Variants in LAMA2 observed in about 807,000 individuals in gnomAD.
LAMA2 encodes the protein laminin subunit alpha 2.
Under a neutral mutation model 364.8 loss-of-function variants are expected in LAMA2, and 269 were observed. The observed-to-expected ratio is 0.74, with a 90% confidence interval of 0.67 to 0.82. LAMA2 has a LOEUF of 0.82. LAMA2 is among the 40% of genes least tolerant of loss of function. The probability of loss-of-function intolerance (pLI) is 0.00; values close to 1 mark genes in which losing one functional copy is unlikely to be tolerated. For synonymous variants in LAMA2, 1,379 were observed against 1,370.6 expected (o/e 1.01, Z -0.14); for missense variants, 3,807 against 3,873.2 (o/e 0.98, Z 0.45).
intron 17 of LAMA2, among the ~76,000 whole-genome samples, chr6:129,277,946 A>T (rs1788442738): frequency 6.6e-6 from 1 of 152,180 alleles, no homozygotes; most frequent in African/African-American, 2.4e-5. Context: ...TCATGCCTGT[A>T]ATCCTAGCAC....
At chr6:129,513,912 A>T (rs1407401259) in intron 63 of LAMA2, among the ~76,000 whole-genome samples, 2 of 152,250 alleles carry the variant, frequency 1.3e-5, no homozygotes. Context: ...TAATTAAAAC[A>T]TCAAAAGTTT....
intron 12 of LAMA2, among the ~76,000 whole-genome samples, chr6:129,224,723 G>A (rs1278174577): frequency 6.6e-6 from 1 of 152,154 alleles, no homozygotes; most frequent in Non-Finnish European, 1.5e-5. Flanking sequence ...ATGTGCTGCT[G>A]CATTCAGTTT....
Position 129,312,735 on chromosome 6 carries a change from T to C in LAMA2, c.3175-126T>C, listed in dbSNP as rs970763524. On this transcript the variant is annotated intron_variant, in intron 22 of 64. Transcript: ENST00000421865. ...TTCCCAAGTGACTAAACTAGAATAG[T>C]ACAAAGCCTATAACAGATACATGAT... The C allele has an allele frequency of 6.7e-6, 5 of 746,960 alleles. No individual in the cohort carries two copies. The African/African-American group carries it at 6.9e-5, about 10-fold the overall frequency. The allele number at this position is 746,960 out of a possible 1,614,324, so 46.3% of individuals were successfully genotyped here. A position where few individuals can be genotyped will look rare whatever the true frequency, so the allele number is the denominator to read the frequency against.
At chr6:128,901,870 T>A (rs1777104848) in intron 1 of LAMA2, among the ~76,000 whole-genome samples, 1 of 152,264 alleles carries the variant, frequency 6.6e-6, no homozygotes, top group African/African-American at 2.4e-5. Flanking sequence ...TTACTGTTTC[T>A]TGATTCATGA....
At chr6:129,317,843 A>C (rs1476332759) in intron 27 of LAMA2, among the ~76,000 whole-genome samples, 1 of 151,846 alleles carries the variant, frequency 6.6e-6, no homozygotes, top group Non-Finnish European at 1.5e-5. Flanking sequence ...ATCTTTAATT[A>C]TACTTTCTTT....
intron 1 of LAMA2, among the ~76,000 whole-genome samples, chr6:128,985,902 A>C (rs1372040279): frequency 3.3e-5 from 5 of 152,190 alleles, no homozygotes; most frequent in Non-Finnish European, 4.4e-5. Flanking sequence ...TTCTTTTACT[A>C]TATATTGGCT....
At chr6:128,911,217 CA>C (rs1211580903) in intron 1 of LAMA2, among the ~76,000 whole-genome samples, 13 of 152,246 alleles carry the variant, frequency 8.5e-5, no homozygotes, top group Admixed American at 2.6e-4. Flanking sequence ...TGGGCAATGG[CA>C]GACGCCCCTC....
chr6:128,906,627 C>G (rs938041962), intron 1 of LAMA2, among the ~76,000 whole-genome samples: 2 of 151,954 alleles, frequency 1.3e-5, no homozygotes, highest in Admixed American at 1.3e-4. Context: ...TGCACAGAAG[C>G]TCTTTAGTTT....
At position 129,507,503 on chromosome 6, in the gene LAMA2, T is replaced by C. The variant is rs1786189591; in HGVS notation, c.8718T>C (p.Ile2906=). 1 of 1,614,202 alleles carries C rather than the reference T, an allele frequency of 6.2e-7. No homozygotes were observed. Among genetic ancestry groups the C allele is most frequent in the Non-Finnish European group, 8.5e-7 (1 of 1,180,000 alleles). The part of the protein sequence containing the change: ...TRRIGPVTYS[I]DGCVRNLHMA... ...TGAATGTTTAGGTGACCTATAGCATTGATGGCTGCGTCAGGAATCTCCACA... is the reference window on the plus strand; with the variant it reads ...TGAATGTTTAGGTGACCTATAGCATCGATGGCTGCGTCAGGAATCTCCACA... Residue 2906 remains isoleucine (I), a synonymous_variant, in exon 62 of 65, where the codon ATT becomes ATC. Transcript: ENST00000421865.
intron 32 of LAMA2, among the ~76,000 whole-genome samples, chr6:129,362,333 T>A (rs1777512268): frequency 6.6e-6 from 1 of 152,186 alleles, no homozygotes; most frequent in African/African-American, 2.4e-5. Context: ...TATTCTCCTG[T>A]TCCTCACACA....
intron 4 of LAMA2, among the ~76,000 whole-genome samples, chr6:129,140,347 GT>G (rs942971546): frequency 1.7e-4 from 26 of 152,084 alleles, no homozygotes; most frequent in African/African-American, 5.5e-4. Context: ...TTCTGATAAG[GT>G]TTCCCCCCCT....
intron 1 of LAMA2, among the ~76,000 whole-genome samples, chr6:128,940,281 C>T (rs1582728725): frequency 6.6e-6 from 1 of 152,104 alleles, no homozygotes; most frequent in Non-Finnish European, 1.5e-5. Context: ...GACCACCACA[C>T]CCCACCCAAC....
intron 23 of LAMA2, 40 bp downstream of exon 23, chr6:129,313,137 A>G: frequency 7.8e-7 from 1 of 1,280,534 alleles, no homozygotes; most frequent in East Asian, 2.3e-5. Context: ...AACCTCCCTC[A>G]ATTCTGTTTC....
At chr6:129,444,087 G>A (rs1274062499) in intron 44 of LAMA2, among the ~76,000 whole-genome samples, 3 of 151,994 alleles carry the variant, frequency 2.0e-5, no homozygotes, top group Admixed American at 6.6e-5. Context: ...AGGACAAATA[G>A]GCAAAGCTCT....
intron 4 of LAMA2, among the ~76,000 whole-genome samples, chr6:129,122,537 G>A (rs1263775862): frequency 6.6e-6 from 1 of 152,202 alleles, no homozygotes; most frequent in Admixed American, 6.5e-5. Context: ...ATACTGAAAA[G>A]CAGGATTACA....
intron 1 of LAMA2, among the ~76,000 whole-genome samples, chr6:128,961,400 A>G (rs1781515634): frequency 7.8e-6 from 1 of 128,606 alleles, no homozygotes; most frequent in Non-Finnish European, 1.6e-5. Context: ...ATACGACTGC[A>G]TATATATACA....
At chr6:129,442,019 A>C (rs1419916778) in intron 43 of LAMA2, among the ~76,000 whole-genome samples, 1 of 152,058 alleles carries the variant, frequency 6.6e-6, no homozygotes, top group Non-Finnish European at 1.5e-5. Flanking sequence ...TATCCTTGTT[A>C]CATGGTTTCA....
intron 12 of LAMA2, among the ~76,000 whole-genome samples, chr6:129,235,157 G>C (rs183707610): frequency 2.6e-5 from 4 of 152,236 alleles, no homozygotes; most frequent in African/African-American, 7.2e-5. Context: ...ACTTCCAGGG[G>C]CCAAGGGGCT....
intron 23 of LAMA2, among the ~76,000 whole-genome samples, chr6:129,314,331 G>A (rs1376970334): frequency 2.1e-5 from 3 of 146,134 alleles, no homozygotes; most frequent in South Asian, 4.3e-4. Context: ...CCTGGGAGGC[G>A]GAGCTTGCAG....
Sources: gnomAD v4.1 joint callset for allele counts (sites outside exome capture counted in the v4.1 genomes callset) on GRCh38, gnomAD v4.1.1 for gene constraint, MANE v1.5 for transcripts, NCBI Gene and HGNC (gene_info 2026-07-23, HGNC 2026-07-21) for gene names.